The following ZC3H4 variants were observed in gnomAD, a reference collection of about 807,000 sequenced individuals.
ZC3H4 encodes zinc finger CCCH-type containing 4.
In ZC3H4, 13 loss-of-function variants were observed where a neutral mutation model predicts 108.3. The ratio of observed to expected loss-of-function variants is 0.12; its 90% confidence interval spans 0.08 to 0.19. The LOEUF (loss-of-function observed/expected upper bound fraction) is 0.19. Among genes scored for constraint, ZC3H4 ranks in the 10% least tolerant of loss-of-function variants. The pLI is 1.00. For missense variants in ZC3H4, 1,734 were observed against 1,838.8 expected, an observed-to-expected ratio of 0.94 and a Z score of 1.04; for synonymous variants, 917 against 749.6, an observed-to-expected ratio of 1.22 and a Z score of -3.65.
chr19:47,085,111 C>T lies in ZC3H4; in HGVS notation c.1052G>A (p.Gly351Glu), dbSNP rs1406173791. 2 of 1,614,238 alleles carry T rather than the reference C, an allele frequency of 1.2e-6. No homozygotes were observed. The highest frequency in any genetic ancestry group is 2.2e-5 in the South Asian group (2 of 91,090). ...RGRGRGGSRG[G>E]MNKGGMNDDE... is the part of the protein sequence containing the mutation. ...ATCGTTCATTCCGCCCTTGTTCATCCCTCCTCGGCTGCCACCTCGGCCTCG... is the reference window on the plus strand; with the variant it reads ...ATCGTTCATTCCGCCCTTGTTCATCTCTCCTCGGCTGCCACCTCGGCCTCG... Residue 351 changes from glycine to glutamate, a missense_variant, in exon 8 of 15, where the codon GGG (glycine) becomes GAG (glutamate). This residue lies in a region of ZC3H4 where 403 missense variants were observed against 457.0 expected (regional missense o/e 0.88). Transcript: ENST00000253048.
chr19:47,099,404 A>G (rs1229600316), intron 2 of ZC3H4, among the ~76,000 whole-genome samples: 3 of 151,856 alleles, frequency 2.0e-5, no homozygotes, highest in African/African-American at 7.3e-5. Flanking sequence ...GGTTGCAGTG[A>G]GCCAAGATCA....
intron 4 of ZC3H4, among the ~76,000 whole-genome samples, chr19:47,091,203 C>G (rs1345247446): frequency 6.6e-6 from 1 of 152,152 alleles, no homozygotes; most frequent in African/African-American, 2.4e-5. Flanking sequence ...ACCCGCGAGG[C>G]AGAGGTTGTA....
chr19:47,080,010 C>G (rs951005705), intron 11 of ZC3H4, among the ~76,000 whole-genome samples: 1 of 152,172 alleles, frequency 6.6e-6, no homozygotes, highest in African/African-American at 2.4e-5. Context: ...TGGGGCTTCC[C>G]CTGCACCCCT....
At chr19:47,111,021 CAAGGG>C (rs1204974331) in intron 2 of ZC3H4, 2 of 687,306 alleles carry the variant, frequency 2.9e-6, no homozygotes, top group Non-Finnish European at 3.6e-6. Context: ...TACAGCCTGG[CAAGGG>C]AAGCCCTGGC....
chr19:47,106,524 G>C (rs1044087478), intron 2 of ZC3H4, among the ~76,000 whole-genome samples: 4 of 152,226 alleles, frequency 2.6e-5, no homozygotes, highest in Non-Finnish European at 5.9e-5. Context: ...TGACAGGCAT[G>C]ACCAGGAACC....
At chr19:47,096,753 C>G (rs2057827780) in intron 2 of ZC3H4, 3 of 962,642 alleles carry the variant, frequency 3.1e-6, no homozygotes, top group Admixed American at 6.2e-5. Flanking sequence ...TGATCACCAC[C>G]CAGGCCACTA....
intron 6 of ZC3H4, 23 bp downstream of exon 6, chr19:47,086,361 C>G: frequency 6.2e-7 from 1 of 1,612,656 alleles, no homozygotes; most frequent in East Asian, 2.2e-5. Context: ...CCCCGACGTC[C>G]CCAGGGCCAG....
Position 47,066,949 on chromosome 19 carries a change from C to T in ZC3H4, c.3319G>A (p.Ala1107Thr), listed in dbSNP as rs200501790. The change falls in exon 15 of 15, where the codon GCC becomes ACC. Residue 1107 changes from alanine to threonine, a missense_variant. This residue lies in a region of ZC3H4 where 518 missense variants were observed against 499.6 expected (regional missense o/e 1.04). Transcript: ENST00000253048. Reference sequence around the variant, plus strand: ...GGGGAGGCATCCCCACTCGGGCTGGCGGTGGGAGAGGGCGCCTCAGCAGGG... The same window carrying T: ...GGGGAGGCATCCCCACTCGGGCTGGTGGTGGGAGAGGGCGCCTCAGCAGGG... ...PGPAEAPSPT[A>T]SPSGDASPPA... The T allele has an allele frequency of 1.1e-3, 1,762 of 1,593,208 alleles. 2 individuals carry two copies. The highest frequency in any genetic ancestry group is 1.5e-3 in the South Asian group (130 of 89,578).
At chr19:47,077,887 TG>T (rs2057451815) in intron 11 of ZC3H4, among the ~76,000 whole-genome samples, 1 of 149,660 alleles carries the variant, frequency 6.7e-6, no homozygotes, top group Non-Finnish European at 1.5e-5. Context: ...AAAGAAGGTA[TG>T]GATTTTCAGG....
At chr19:47,108,108 T>G (rs1234265720) in intron 2 of ZC3H4, among the ~76,000 whole-genome samples, 1 of 152,242 alleles carries the variant, frequency 6.6e-6, no homozygotes, top group Non-Finnish European at 1.5e-5. Context: ...TCTGATCTGC[T>G]GAATAAATAC....
Position 47,066,954 on chromosome 19 carries a change from G to T in ZC3H4, c.3314C>A (p.Pro1105His), listed in dbSNP as rs760353544. The T allele has an allele frequency of 1.9e-6, 3 of 1,594,040 alleles. No individual in the cohort carries two copies. Among genetic ancestry groups the T allele is most frequent in the Non-Finnish European group, 2.6e-6 (3 of 1,171,248 alleles). ...AKPGPAEAPS[P>H]TASPSGDASP... Reference sequence around the variant, plus strand: ...GGCATCCCCACTCGGGCTGGCGGTGGGAGAGGGCGCCTCAGCAGGGCCGGG... The same window carrying T: ...GGCATCCCCACTCGGGCTGGCGGTGTGAGAGGGCGCCTCAGCAGGGCCGGG... The change falls in exon 15 of 15, where the codon CCC becomes CAC. Residue 1105 changes from proline (P) to histidine (H), a missense_variant. Pro to His is a moderately conservative substitution (Grantham distance 77). Coordinates refer to ENST00000253048, the MANE Select transcript of ZC3H4 (RefSeq NM_015168.2).
Position 47,066,774 on chromosome 19 carries a change from G to C in ZC3H4, c.3494C>G (p.Ala1165Gly), listed in dbSNP as rs1228183883. The change falls in exon 15 of 15, where the codon GCT (alanine) becomes GGT (glycine). Residue 1165 changes from alanine (A) to glycine (G), a missense_variant. This residue lies in a region of ZC3H4 where 518 missense variants were observed against 499.6 expected (regional missense o/e 1.04). Coordinates refer to ENST00000253048, the MANE Select transcript of ZC3H4 (RefSeq NM_015168.2). ...ACCCTTGGGCTGGGCACCCGTGTCA[G>C]CAGCCGGCTCTGTGGCTTTGCCCCC... ...NAGGKATEPA[A>G]DTGAQPKGAE... 4 of 1,602,070 alleles carry C rather than the reference G, an allele frequency of 2.5e-6. No homozygotes were observed. In the African/African-American group the frequency reaches 5.3e-5, roughly 21 times the overall value.
chr19:47,074,533 G>A (rs2057383774), intron 11 of ZC3H4, among the ~76,000 whole-genome samples: 1 of 152,216 alleles, frequency 6.6e-6, no homozygotes, highest in African/African-American at 2.4e-5. Flanking sequence ...CTGCTTGCAA[G>A]GCTAGGCCTC....
At chr19:47,104,205 A>C (rs1456716158) in intron 2 of ZC3H4, among the ~76,000 whole-genome samples, 1 of 143,684 alleles carries the variant, frequency 7.0e-6, no homozygotes, top group Non-Finnish European at 1.5e-5. Context: ...TGTAATCCCA[A>C]CTACTCAGGA....
intron 11 of ZC3H4, among the ~76,000 whole-genome samples, chr19:47,078,058 C>T (rs1339233739): frequency 6.6e-6 from 1 of 152,134 alleles, no homozygotes; most frequent in Non-Finnish European, 1.5e-5. Context: ...CAGGTGCCCA[C>T]TTCCATGAAG....
In ZC3H4 at chr19:47,067,739, C is replaced by T. The variant is rs1410208327; in HGVS notation, c.2529G>A (p.Gly843=). 6.2e-7 allele frequency: 1 copy of T among 1,607,964 alleles called. No individual in the cohort carries two copies. The highest frequency in any genetic ancestry group is 1.7e-5 in the Admixed American group (1 of 59,552). The change falls in exon 15 of 15, where the codon GGG becomes GGA. Residue 843 remains glycine (G), a synonymous_variant. Coordinates refer to ENST00000253048, the MANE Select transcript of ZC3H4 (RefSeq NM_015168.2). This position sits in a 1 kb window ranked among gnomAD's most constrained non-coding sequence, Gnocchi z 6.4. ...PASVGELSSS[G]LGDPRLQKGH... ...CCTTCTGGAGGCGGGGGTCCCCCAG[C>T]CCACTGCTGCTCAGCTCCCCAACTG...
chr19:47,080,206 C>T (rs2057496277), intron 11 of ZC3H4, among the ~76,000 whole-genome samples: 1 of 152,222 alleles, frequency 6.6e-6, no homozygotes, highest in Admixed American at 6.5e-5. Flanking sequence ...CGTACCCACT[C>T]ACTCCCCAGA....
rs962294515 is a variant in ZC3H4, at chr19:47,069,793, C to T, written c.2147-450G>A. Among the ~76,000 whole-genome samples, 109 of 152,182 alleles carry T rather than the reference C, an allele frequency of 7.2e-4. 1 individual carries two copies. Among genetic ancestry groups the T allele is most frequent in the Non-Finnish European group, 2.9e-5 (2 of 68,046 alleles). On this transcript the variant is annotated intron_variant, in intron 13 of 14. Transcript: ENST00000253048. Reference sequence around the variant, plus strand: ...AACACCATGCATCTCATAGTGAACTCGACCATGTTCAACACTAAAAGCCAG... The same window carrying T: ...AACACCATGCATCTCATAGTGAACTTGACCATGTTCAACACTAAAAGCCAG...
chr19:47,081,662 C>T (rs753107100), intron 10 of ZC3H4, 40 bp from the exon 11 acceptor site: 34 of 1,538,900 alleles, frequency 2.2e-5, no homozygotes, highest in South Asian at 1.9e-4. Flanking sequence ...TCTCACAGAA[C>T]GCCCCCCTCC....
Sources: gnomAD v4.1 joint callset for allele counts (sites outside exome capture counted in the v4.1 genomes callset) on GRCh38, gnomAD v4.1.1 for gene constraint, gnomAD v4.1.1 regional missense constraint, Gnocchi (gnomAD v3.1) non-coding constraint, MANE v1.5 for transcripts, NCBI Gene and HGNC (gene_info 2026-07-23, HGNC 2026-07-21) for gene names.